Variants in LAMA4 observed in about 807,000 individuals in gnomAD.
LAMA4 encodes the protein laminin subunit alpha-4.
Under a neutral mutation model 207.1 loss-of-function variants are expected in LAMA4, and 127 were observed. The observed-to-expected ratio is 0.61, with a 90% confidence interval of 0.53 to 0.71. The LOEUF (loss-of-function observed/expected upper bound fraction) is 0.71, where lower values mean the gene tolerates loss of function less well. LAMA4 is among the 30% of genes least tolerant of loss of function. The pLI, the probability that LAMA4 is intolerant of heterozygous loss-of-function variation, is 0.00. For synonymous variants in LAMA4, 761 were observed against 816.0 expected, an observed-to-expected ratio of 0.93 and a Z score of 1.15; for missense variants, 2,093 against 2,246.5, an observed-to-expected ratio of 0.93 and a Z score of 1.38.
At position 112,142,026 on chromosome 6, in the gene LAMA4, T is replaced by C. The variant is rs1297566553; in HGVS notation, c.2667+93A>G. On this transcript the variant is annotated intron_variant, in intron 20 of 38. Coordinates refer to ENST00000230538, the MANE Select transcript of LAMA4 (RefSeq NM_001105206.3). The stretch of plus-strand genomic sequence containing the variant: ...TGAGTTACCAGAATGGGCATTGTTT[T>C]GGTTTGTTTGCCTAGGTGGCTTTAT... 4 of 1,265,418 alleles carry C rather than the reference T, an allele frequency of 3.2e-6. No individual in the cohort carries two copies. In the East Asian group the frequency reaches 9.3e-5, roughly 29 times the overall value. The allele number at this position is 1,265,418 out of a possible 1,614,324, so 78.4% of individuals were successfully genotyped here.
At chr6:112,125,495 G>A (rs797033689) in intron 31 of LAMA4, among the ~76,000 whole-genome samples, 30 of 152,306 alleles carry the variant, frequency 2.0e-4, no homozygotes, top group African/African-American at 6.7e-4. Flanking sequence ...TTAGCATGAT[G>A]TCTGTTACAA....
intron 31 of LAMA4, among the ~76,000 whole-genome samples, chr6:112,126,786 C>A (rs1778716895): frequency 6.6e-6 from 1 of 152,162 alleles, no homozygotes; most frequent in Admixed American, 6.6e-5. Context: ...AAACTAAAAC[C>A]TCAATTTGTC....
rs1787691549 is a variant in LAMA4, at chr6:112,254,174, C to T, written c.-24G>A. ...ATTTCTCCGCTGACATCCAGTAGTG[C>T]TCTTCCAGGGCTCGGGCGCTGTGGG... On this transcript the variant is annotated 5_prime_UTR_variant, in exon 2 of 39. Transcript: ENST00000230538. The T allele has an allele frequency of 1.9e-6, 3 of 1,612,076 alleles. No homozygotes were observed. The highest frequency in any genetic ancestry group is 2.5e-6 in the Non-Finnish European group (3 of 1,179,900).
intron 32 of LAMA4, 42 bp downstream of exon 32, chr6:112,121,972 G>A (rs781890538): frequency 6.5e-7 from 1 of 1,545,960 alleles, no homozygotes; most frequent in African/African-American, 1.4e-5. Flanking sequence ...ATGGAGCCCA[G>A]CCATGTCATT....
chr6:112,220,417 C>T (rs1784860458), intron 2 of LAMA4, among the ~76,000 whole-genome samples: 1 of 151,974 alleles, frequency 6.6e-6, no homozygotes, highest in Non-Finnish European at 1.5e-5. Context: ...GTGTACTTGC[C>T]TAATTTTACA....
At chr6:112,148,811 A>C (rs541316764) in intron 17 of LAMA4, among the ~76,000 whole-genome samples, 1 of 152,004 alleles carries the variant, frequency 6.6e-6, no homozygotes, top group East Asian at 1.9e-4. Context: ...AATTTACAAC[A>C]AAAAATTTTG....
At position 112,119,199 on chromosome 6, in the gene LAMA4, T is replaced by C; in HGVS notation, c.4778A>G (p.Tyr1593Cys). The C allele has an allele frequency of 1.9e-6, 3 of 1,614,040 alleles. No individual in the cohort carries two copies. Among genetic ancestry groups the C allele is most frequent in the Non-Finnish European group, 2.5e-6 (3 of 1,179,934 alleles). The change falls in exon 34 of 39, where the codon TAT (tyrosine) becomes TGT (cysteine). Residue 1593 changes from tyrosine (Y) to cysteine (C), a missense_variant. Physicochemically the swap from Tyr to Cys is radical, Grantham distance 194. Around this residue, in one of 3 missense-constraint regions of LAMA4, gnomAD observed 383 missense variants for 437.8 expected, o/e 0.87. Coordinates refer to ENST00000230538, the MANE Select transcript of LAMA4 (RefSeq NM_001105206.3). The part of the protein sequence containing the change: ...EATWKIKGPI[Y>C]LGGVAPGKAV... ...CTTTCCAGGAGCCACACCTCCCAAA[T>C]AAATGGGACCCTTGATTTTCCAGGT...
chr6:112,208,924 G>A (rs554772908), intron 3 of LAMA4, among the ~76,000 whole-genome samples: 1 of 152,246 alleles, frequency 6.6e-6, no homozygotes, highest in African/African-American at 2.4e-5. Context: ...GCAGACAACA[G>A]GATGTTAACA....
intron 18 of LAMA4, 26 bp downstream of exon 18, chr6:112,148,131 C>G: frequency 6.2e-7 from 1 of 1,604,584 alleles, no homozygotes; most frequent in Non-Finnish European, 8.5e-7. Context: ...TAATTAGATT[C>G]AAATTGTGAA....
At chr6:112,220,039 A>C (rs1195610379) in intron 2 of LAMA4, among the ~76,000 whole-genome samples, 4 of 152,190 alleles carry the variant, frequency 2.6e-5, no homozygotes, top group African/African-American at 9.6e-5. Context: ...AGCAGGCTGA[A>C]ATGGATAAAA....
At position 112,155,739 on chromosome 6, in the gene LAMA4, C is replaced by T. The variant is rs782239253; in HGVS notation, c.1818-33G>A. On this transcript the variant is annotated intron_variant, in intron 14 of 38. Transcript: ENST00000230538. ...TAAACAAACATTGTTATTTCTCCTT[C>T]TTACCTTCTTGGGGAATGGGGCCAT... 3 of 1,611,496 alleles carry T rather than the reference C, an allele frequency of 1.9e-6. No homozygotes were observed. The African/African-American group carries it at 4.0e-5, about 22-fold the overall frequency.
Position 112,115,844 on chromosome 6 carries a change from A to C in LAMA4, c.5112+19T>G, listed in dbSNP as rs1554323522. Reference sequence around the variant, plus strand: ...CAAGGTCAGATGAGACAAATTGTTAAACATTTTTCAGACACTACCTGTCCA... The same window carrying C: ...CAAGGTCAGATGAGACAAATTGTTACACATTTTTCAGACACTACCTGTCCA... On this transcript the variant is annotated intron_variant, in intron 36 of 38. Coordinates refer to ENST00000230538, the MANE Select transcript of LAMA4 (RefSeq NM_001105206.3). The C allele has an allele frequency of 6.2e-7, 1 of 1,611,774 alleles. No homozygotes were observed. Among genetic ancestry groups the C allele is most frequent in the Non-Finnish European group, 8.5e-7 (1 of 1,178,292 alleles).
chr6:112,154,728 C>T (rs1780600607), intron 16 of LAMA4, 123 bp downstream of exon 16: 1 of 737,580 alleles, frequency 1.4e-6, no homozygotes, highest in African/African-American at 1.7e-5. Context: ...GCAGGAACTA[C>T]TGATATGTTA....
At chr6:112,171,308 T>C (rs1781696611) in intron 12 of LAMA4, among the ~76,000 whole-genome samples, 1 of 151,976 alleles carries the variant, frequency 6.6e-6, no homozygotes, top group African/African-American at 2.4e-5. Context: ...AAAGCACTGT[T>C]ATAGGTGATG....
At chr6:112,112,363 C>T (rs375206151) in intron 38 of LAMA4, among the ~76,000 whole-genome samples, 295 of 152,244 alleles carry the variant, frequency 1.9e-3, no homozygotes, top group African/African-American at 6.6e-3. Context: ...TTAGGAACTG[C>T]AAGTCCCAGA....
In LAMA4 at chr6:112,139,775, G is replaced by A. The variant is rs146880158; in HGVS notation, c.3087C>T (p.Pro1029=). Reference sequence around the variant, plus strand: ...ACCGGGCACATGGCACTGATGTGGAGGGGTCCATATTATAGATGTGCTTAA... The same window carrying A: ...ACCGGGCACATGGCACTGATGTGGAAGGGTCCATATTATAGATGTGCTTAA... The part of the protein sequence containing the change: ...YNFKHIYNMD[P]STSVPCARDK... Residue 1029 remains proline, a synonymous_variant, in exon 23 of 39, where the codon CCC becomes CCT. Coordinates refer to ENST00000230538, the MANE Select transcript of LAMA4 (RefSeq NM_001105206.3). The A allele has an allele frequency of 3.5e-5, 56 of 1,614,068 alleles. No homozygotes were observed. In the African/African-American group the frequency reaches 5.6e-4, roughly 16 times the overall value.
chr6:112,159,013 T>C, intron 13 of LAMA4, 133 bp from the exon 14 acceptor site: 1 of 668,898 alleles, frequency 1.5e-6, no homozygotes, highest in South Asian at 1.8e-5. Context: ...CACATAAGTC[T>C]AAAATACTGT....
chr6:112,139,627 T>G (rs1380891591), intron 23 of LAMA4, 125 bp downstream of exon 23: 1 of 1,135,328 alleles, frequency 8.8e-7, no homozygotes, highest in African/African-American at 1.5e-5. Context: ...CAGGTATGAC[T>G]TATGTAGTTT....
At chr6:112,235,668 ATTT>A (rs1331321475) in intron 2 of LAMA4, among the ~76,000 whole-genome samples, 8 of 152,188 alleles carry the variant, frequency 5.3e-5, no homozygotes, top group Non-Finnish European at 1.2e-4. Flanking sequence ...GTTATTGTTC[ATTT>A]TTGAAATAGA....
Sources: gnomAD v4.1 joint callset for allele counts (sites outside exome capture counted in the v4.1 genomes callset) on GRCh38, gnomAD v4.1.1 for gene constraint, gnomAD v4.1.1 regional missense constraint, MANE v1.5 for transcripts, NCBI Gene and HGNC (gene_info 2026-07-23, HGNC 2026-07-21) for gene names.